Variants in TK2 observed in about 807,000 individuals in gnomAD.
TK2 encodes the protein thymidine kinase 2, also known as thymidine kinase 2, mitochondrial.
In TK2, 35 loss-of-function variants were observed where a neutral mutation model predicts 41.9. The ratio of observed to expected loss-of-function variants is 0.84; its 90% CI spans 0.64 to 1.11. The LOEUF is 1.11. Among genes scored for constraint, TK2 ranks in the 50% least tolerant of loss-of-function variants. TK2 has a pLI of 0.00. For synonymous variants in TK2, 128 were observed against 129.1 expected (o/e 0.99, Z 0.06); for missense variants, 320 against 351.1 (o/e 0.91, Z 0.71).
Position 66,508,216 on chromosome 16 carries a change from T to C in TK2, c.*3752A>G, listed in dbSNP as rs1964349285. 6.6e-6 allele frequency: 1 copy of C among 152,246 alleles called. No homozygotes were observed. The highest frequency in any genetic ancestry group is 6.5e-5 in the Admixed American group (1 of 15,286). The allele number at this position is 152,246 out of a possible 1,614,324, so 9.4% of individuals were successfully genotyped here. On this transcript the variant is annotated 3_prime_UTR_variant, in exon 10 of 10. Transcript: ENST00000544898. ...AGTGAATGGCAATACCCATTCTGGA[T>C]TCCACGACATAGGCTTTCTCTTAGC... is the stretch of plus-strand genomic sequence containing the variant.
At chr16:66,537,662 G>T (rs528464981) in intron 3 of TK2, among the ~76,000 whole-genome samples, 1 of 152,310 alleles carries the variant, frequency 6.6e-6, no homozygotes, top group African/African-American at 2.4e-5. Flanking sequence ...CTCCATCTGT[G>T]GTCTAGACAC....
intron 2 of TK2, 61 bp from the exon 3 acceptor site, chr16:66,542,014 A>T: frequency 6.4e-7 from 1 of 1,569,512 alleles, no homozygotes; most frequent in Non-Finnish European, 8.8e-7. Flanking sequence ...ATGTCAGGGA[A>T]TAATGGCTAC....
chr16:66,536,309 G>A (rs1045463940), intron 4 of TK2, among the ~76,000 whole-genome samples: 5 of 151,972 alleles, frequency 3.3e-5, no homozygotes, highest in African/African-American at 1.2e-4. Context: ...GCTGAAAAAT[G>A]AGACTAATCA....
In TK2 at chr16:66,550,105, G is replaced by T; in HGVS notation, c.-44C>A. On this transcript the variant is annotated 5_prime_UTR_variant, in exon 1 of 10. Transcript: ENST00000544898. ...AGAGGCCCGGGGTTCCTTCTTGTGC[G>T]AGTCGGCGCGGACGACTGCTAGTCC... 6.2e-7 allele frequency: 1 copy of T among 1,608,878 alleles called. No homozygotes were observed. The highest frequency in any genetic ancestry group is 1.7e-5 in the Admixed American group (1 of 59,364).
At chr16:66,535,952 C>T (rs1484330231) in intron 4 of TK2, among the ~76,000 whole-genome samples, 1 of 152,168 alleles carries the variant, frequency 6.6e-6, no homozygotes, top group African/African-American at 2.4e-5. Context: ...CGCCCGTAAT[C>T]CCAGCACTTT....
intron 2 of TK2, among the ~76,000 whole-genome samples, chr16:66,547,168 T>C (rs975447933): frequency 2.0e-5 from 3 of 152,136 alleles, no homozygotes; most frequent in African/African-American, 7.2e-5. Flanking sequence ...CCAGACACCT[T>C]TAACACTCTG....
In TK2 at chr16:66,550,082, A is replaced by T. The variant is rs1567544462; in HGVS notation, c.-21T>A. 1.2e-6 allele frequency: 2 copies of T among 1,600,242 alleles called. No individual in the cohort carries two copies. Among genetic ancestry groups the T allele is most frequent in the Admixed American group, 3.5e-5 (2 of 57,560 alleles). ...AGCATAGCCGGGCGAGCGGATCCAG[A>T]GGCCCGGGGTTCCTTCTTGTGCGAG... On this transcript the variant is annotated 5_prime_UTR_variant, in exon 1 of 10. Coordinates refer to ENST00000544898, the MANE Select transcript of TK2 (RefSeq NM_004614.5).
chr16:66,536,925 G>A (rs756554636), intron 4 of TK2, 39 bp downstream of exon 4: 10 of 1,613,466 alleles, frequency 6.2e-6, no homozygotes, highest in Admixed American at 1.7e-5. Context: ...AGGTGCTTAA[G>A]GGGAAGCCGG....
At position 66,517,658 on chromosome 16, in the gene TK2, C is replaced by T. The variant is rs755462403; in HGVS notation, c.538+131G>A. On this transcript the variant is annotated intron_variant, in intron 7 of 9. Coordinates refer to ENST00000544898, the MANE Select transcript of TK2 (RefSeq NM_004614.5). This position sits in a 1 kb window ranked among gnomAD's most constrained non-coding sequence, Gnocchi z 4.3. ...GTCTGCCCTCAGGGAGAAAGCTGAA[C>T]TCCCATGGGGAAGGAACTGCCAAGG... The T allele has an allele frequency of 3.7e-6, 3 of 820,892 alleles. No individual in the cohort carries two copies. Among genetic ancestry groups the T allele is most frequent in the East Asian group, 2.5e-5 (1 of 40,092 alleles). The allele number at this position is 820,892 out of a possible 1,614,324, so 50.9% of individuals were successfully genotyped here.
chr16:66,549,797 C>G, intron 1 of TK2, 141 bp downstream of exon 1: 1 of 1,287,314 alleles, frequency 7.8e-7, no homozygotes, highest in Non-Finnish European at 9.8e-7. Flanking sequence ...CGATGGCCGC[C>G]CCCGTCCCAG....
At chr16:66,538,435 C>G (rs1410411271) in intron 3 of TK2, among the ~76,000 whole-genome samples, 1 of 152,178 alleles carries the variant, frequency 6.6e-6, no homozygotes, top group African/African-American at 2.4e-5. Flanking sequence ...CAGCACCACA[C>G]AGGCCCACCA....
chr16:66,544,766 G>A (rs1055532948), intron 2 of TK2, among the ~76,000 whole-genome samples: 6 of 152,154 alleles, frequency 3.9e-5, no homozygotes, highest in African/African-American at 1.4e-4. Flanking sequence ...TCCTAAAAAT[G>A]GAAATTAAGC....
chr16:66,550,102 T>C lies in TK2; in HGVS notation c.-41A>G. 1 of 1,608,472 alleles carries C rather than the reference T, an allele frequency of 6.2e-7. No individual in the cohort carries two copies. On this transcript the variant is annotated 5_prime_UTR_variant, in exon 1 of 10. Coordinates refer to ENST00000544898, the MANE Select transcript of TK2 (RefSeq NM_004614.5). ...TCCAGAGGCCCGGGGTTCCTTCTTGTGCGAGTCGGCGCGGACGACTGCTAG... is the reference window on the plus strand; with the variant it reads ...TCCAGAGGCCCGGGGTTCCTTCTTGCGCGAGTCGGCGCGGACGACTGCTAG...
At position 66,514,082 on chromosome 16, in the gene TK2, C is replaced by A. The variant is rs1964532924; in HGVS notation, c.619-271G>T. 1.3e-5 allele frequency among the ~76,000 whole-genome samples: 2 copies of A among 152,160 alleles called. No homozygotes were observed. Among genetic ancestry groups the A allele is most frequent in the Non-Finnish European group, 2.9e-5 (2 of 68,030 alleles). On this transcript the variant is annotated intron_variant, in intron 8 of 9. Transcript: ENST00000544898. The surrounding 1 kb of genome is among the most constrained non-coding windows in gnomAD (Gnocchi z 4.2). ...GCACAAACACTGGCCCTTCCCCTGGCGCCTGAATCAAAGCCAAGGCAAAAG... is the reference window on the plus strand; with the variant it reads ...GCACAAACACTGGCCCTTCCCCTGGAGCCTGAATCAAAGCCAAGGCAAAAG...
chr16:66,517,645 G>A lies in TK2; in HGVS notation c.538+144C>T. ...AGTCCCGAATTCTGTCTGCCCTCAG[G>A]GAGAAAGCTGAACTCCCATGGGGAA... On this transcript the variant is annotated intron_variant, in intron 7 of 9. Transcript: ENST00000544898. The surrounding 1 kb of genome is among the most constrained non-coding windows in gnomAD (Gnocchi z 4.3). The A allele has an allele frequency of 5.2e-6, 4 of 770,234 alleles. No individual in the cohort carries two copies. The highest frequency in any genetic ancestry group is 1.4e-5 in the South Asian group (1 of 70,776). The allele number at this position is 770,234 out of a possible 1,614,324, so 47.7% of individuals were successfully genotyped here. A position where few individuals can be genotyped will look rare whatever the true frequency, so the allele number is the denominator to read the frequency against.
At chr16:66,520,425 G>A (rs573369110) in intron 6 of TK2, among the ~76,000 whole-genome samples, 3 of 152,106 alleles carry the variant, frequency 2.0e-5, no homozygotes, top group South Asian at 4.1e-4. Flanking sequence ...AAAGGAAGTC[G>A]TCTCCCCTAG....
chr16:66,524,084 C>T (rs1411072196), intron 6 of TK2, among the ~76,000 whole-genome samples: 1 of 152,218 alleles, frequency 6.6e-6, no homozygotes, highest in Non-Finnish European at 1.5e-5. Context: ...CAGCCCCCAG[C>T]AACCCAAATA....
At chr16:66,519,495 T>G (rs1019751662) in intron 6 of TK2, among the ~76,000 whole-genome samples, 1 of 152,068 alleles carries the variant, frequency 6.6e-6, no homozygotes, top group Non-Finnish European at 1.5e-5. Flanking sequence ...ACATTTTAAA[T>G]GTTAACTTTA....
intron 4 of TK2, among the ~76,000 whole-genome samples, chr16:66,533,930 C>A (rs2144421719): frequency 6.6e-6 from 1 of 151,074 alleles, no homozygotes; most frequent in East Asian, 2.0e-4. Context: ...ATGGCGCGAA[C>A]CCAGGAGGCG....
Sources: allele counts gnomAD v4.1 joint callset (sites outside exome capture counted in the v4.1 genomes callset), GRCh38; gene constraint gnomAD v4.1.1; non-coding constraint Gnocchi (gnomAD v3.1); transcripts MANE v1.5; gene names NCBI Gene and HGNC (gene_info 2026-07-23, HGNC 2026-07-21).